LDLRAD4: variants seen among roughly 807,000 people sequenced by gnomAD.
The protein encoded by LDLRAD4 is low-density lipoprotein receptor class A domain-containing protein 4.
In LDLRAD4, 5 loss-of-function variants were observed where a neutral mutation model predicts 17.0. The observed-to-expected ratio is 0.29, with a 90% CI of 0.15 to 0.62. LDLRAD4 has a LOEUF of 0.62. Among genes scored for constraint, LDLRAD4 ranks in the 20% least tolerant of loss-of-function variants. The pLI is 0.84. For synonymous variants in LDLRAD4, 168 were observed against 171.8 expected, an observed-to-expected ratio of 0.98 and a Z score of 0.17; for missense variants, 340 against 424.7, an observed-to-expected ratio of 0.80 and a Z score of 1.75.
At chr18:13,566,242 A>G (rs7228424) in intron 3 of LDLRAD4, among the ~76,000 whole-genome samples, 27,185 of 152,070 alleles carry the variant, frequency 0.18, 2,652 homozygotes, top group East Asian at 0.33. Context: ...ACAGTAAGCT[A>G]TCCCTTGGCT....
At chr18:13,379,687 G>A (rs2145054130) in intron 1 of LDLRAD4, among the ~76,000 whole-genome samples, 1 of 152,324 alleles carries the variant, frequency 6.6e-6, no homozygotes. Flanking sequence ...GGAAGACTGT[G>A]GGCCGGCACA....
intron 3 of LDLRAD4, among the ~76,000 whole-genome samples, chr18:13,536,559 CAG>C (rs941505755): frequency 3.6e-4 from 55 of 151,904 alleles, no homozygotes; most frequent in African/African-American, 1.3e-3. Context: ...ATCTTTTGAA[CAG>C]AGACGCTGTT....
At chr18:13,227,351 G>A (rs1253423624) in intron 1 of LDLRAD4, among the ~76,000 whole-genome samples, 1 of 152,200 alleles carries the variant, frequency 6.6e-6, no homozygotes, top group East Asian at 1.9e-4. Flanking sequence ...TTACCGTGCT[G>A]GAGGGAGCAA....
chr18:13,539,295 G>A (rs2094242464), intron 3 of LDLRAD4, among the ~76,000 whole-genome samples: 1 of 152,208 alleles, frequency 6.6e-6, no homozygotes, highest in African/African-American at 2.4e-5. Flanking sequence ...CTGTGTGCTT[G>A]TTTGAACACC....
At chr18:13,565,491 TAACAGCCCCTTGTCA>T (rs1438446906) in intron 3 of LDLRAD4, among the ~76,000 whole-genome samples, 2 of 152,212 alleles carry the variant, frequency 1.3e-5, no homozygotes, top group Admixed American at 6.5e-5. Context: ...GTGGCGGGGA[TAACAGCCCCTTGTCA>T]TCGCAGGGTT....
chr18:13,523,670 A>AT (rs2093987222), intron 3 of LDLRAD4, among the ~76,000 whole-genome samples: 1 of 152,122 alleles, frequency 6.6e-6, no homozygotes, highest in African/African-American at 2.4e-5. Flanking sequence ...TGTACCATGC[A>AT]GTTGCCTCCC....
chr18:13,594,481 G>A (rs1005303407), intron 3 of LDLRAD4, among the ~76,000 whole-genome samples: 6 of 151,850 alleles, frequency 4.0e-5, no homozygotes, highest in African/African-American at 1.5e-4. Flanking sequence ...CTTAAGGCCA[G>A]CATGGTGAAA....
intron 1 of LDLRAD4, among the ~76,000 whole-genome samples, chr18:13,234,151 C>G (rs1441169165): frequency 6.6e-6 from 1 of 152,220 alleles, no homozygotes; most frequent in Non-Finnish European, 1.5e-5. Context: ...TGCTGTCCTC[C>G]CCACCCGCGA....
At chr18:13,377,024 G>T (rs749410031) in intron 1 of LDLRAD4, among the ~76,000 whole-genome samples, 1 of 152,152 alleles carries the variant, frequency 6.6e-6, no homozygotes, top group East Asian at 1.9e-4. Flanking sequence ...ATCCTGCCTC[G>T]CCTGGCCTTG....
chr18:13,474,148 C>T (rs2146824589), intron 3 of LDLRAD4, among the ~76,000 whole-genome samples: 1 of 152,306 alleles, frequency 6.6e-6, no homozygotes, highest in Middle Eastern at 3.4e-3. Context: ...TGGAAGCTTC[C>T]TGAGGCTTCC....
chr18:13,537,880 T>A (rs999272839), intron 3 of LDLRAD4, among the ~76,000 whole-genome samples: 1 of 152,232 alleles, frequency 6.6e-6, no homozygotes, highest in Admixed American at 6.5e-5. Context: ...CTTCAGTTTT[T>A]CTGTTCTTTC....
intron 3 of LDLRAD4, among the ~76,000 whole-genome samples, chr18:13,544,912 T>C (rs11661848): frequency 6.8e-6 from 1 of 146,808 alleles, no homozygotes; most frequent in Admixed American, 6.9e-5. Flanking sequence ...TTTTTTAATG[T>C]GCTCCTTTTA....
At chr18:13,277,379 C>T (rs181472658), upstream of LDLRAD4, among the ~76,000 whole-genome samples, 29 of 152,278 alleles carry the variant, frequency 1.9e-4, no homozygotes, top group Admixed American at 7.8e-4. Flanking sequence ...CTTTGGAGCT[C>T]GAGGCGGTCA....
intron 3 of LDLRAD4, among the ~76,000 whole-genome samples, chr18:13,546,965 T>C (rs2094374704): frequency 6.6e-6 from 1 of 152,220 alleles, no homozygotes; most frequent in African/African-American, 2.4e-5. Flanking sequence ...ACACTTGAGA[T>C]GAGAACATTT....
chr18:13,433,941 A>T (rs1382050424), intron 2 of LDLRAD4, among the ~76,000 whole-genome samples: 1 of 152,174 alleles, frequency 6.6e-6, no homozygotes, highest in Admixed American at 6.5e-5. Flanking sequence ...TCTCGATCCG[A>T]TGGAAATCTC....
intron 1 of LDLRAD4, among the ~76,000 whole-genome samples, chr18:13,263,967 G>A (rs2044064821): frequency 6.6e-6 from 1 of 151,702 alleles, no homozygotes; most frequent in South Asian, 2.1e-4. Context: ...TGTTCCTCAA[G>A]TACCATTTAA....
chr18:13,480,091 T>C (rs1371337860), intron 3 of LDLRAD4, among the ~76,000 whole-genome samples: 1 of 152,234 alleles, frequency 6.6e-6, no homozygotes, highest in Non-Finnish European at 1.5e-5. Flanking sequence ...AAACATTATG[T>C]CCACACAGAA....
At chr18:13,286,112 G>A (rs186768581) in intron 1 of LDLRAD4, among the ~76,000 whole-genome samples, 2 of 152,198 alleles carry the variant, frequency 1.3e-5, no homozygotes, top group East Asian at 3.9e-4. Flanking sequence ...CCCTCCAGCC[G>A]CTGACACCCA....
intron 3 of LDLRAD4, among the ~76,000 whole-genome samples, chr18:13,442,767 G>A (rs1386152218): frequency 6.6e-6 from 1 of 152,198 alleles, no homozygotes; most frequent in Non-Finnish European, 1.5e-5. Flanking sequence ...GTCCAGAAGC[G>A]ATAATTGAGT....
Sources: allele counts gnomAD v4.1 joint callset (sites outside exome capture counted in the v4.1 genomes callset), GRCh38; gene constraint gnomAD v4.1.1; transcripts MANE v1.5; gene names NCBI Gene and HGNC (gene_info 2026-07-23, HGNC 2026-07-21).